DNAJB6: variants seen among roughly 807,000 people sequenced by gnomAD.
DNAJB6 encodes the protein DnaJ heat shock protein family (Hsp40) member B6.
In DNAJB6, 16 loss-of-function variants were observed where a neutral mutation model predicts 42.7. That is an observed-to-expected ratio of 0.37 (90% CI 0.25 to 0.57). DNAJB6 has a LOEUF of 0.57. Among genes scored for constraint, DNAJB6 ranks in the 20% least tolerant of loss-of-function variants. The pLI, the probability that DNAJB6 is intolerant of heterozygous loss-of-function variation, is 0.74. For synonymous variants in DNAJB6, 170 were observed against 163.5 expected (o/e 1.04, Z -0.30); for missense variants, 347 against 416.8 (o/e 0.83, Z 1.46).
At chr7:157,354,561 ACTC>A (rs1799175787) in intron 1 of DNAJB6, among the ~76,000 whole-genome samples, 1 of 150,708 alleles carries the variant, frequency 6.6e-6, no homozygotes, top group Non-Finnish European at 1.5e-5. Context: ...CTGGTCTCCA[ACTC>A]CTGGGCTCAA....
At chr7:157,379,935 C>T (rs1221872551) in intron 5 of DNAJB6, 1 of 151,680 alleles carries the variant, frequency 6.6e-6, no homozygotes, top group Non-Finnish European at 1.5e-5. Context: ...CCTCAGCCTC[C>T]TGGGTGGCTG....
intron 1 of DNAJB6, among the ~76,000 whole-genome samples, chr7:157,352,361 T>C (rs1324536141): frequency 2.0e-5 from 3 of 151,932 alleles, no homozygotes; most frequent in Non-Finnish European, 4.4e-5. Context: ...TATAATTTTC[T>C]TTTTTACTCC....
At chr7:157,393,145 T>G (rs1230726475) in intron 8 of DNAJB6, among the ~76,000 whole-genome samples, 6 of 152,064 alleles carry the variant, frequency 3.9e-5, no homozygotes, top group Non-Finnish European at 7.4e-5. Flanking sequence ...GGCTAATTTT[T>G]TTGTATTTTT....
At chr7:157,385,482 A>C in intron 7 of DNAJB6, 59 bp from the exon 8 acceptor site, 21 of 1,508,308 alleles carry the variant, frequency 1.4e-5, no homozygotes, top group Non-Finnish European at 1.5e-5. Context: ...CAACTTAGTT[A>C]CCCTCACACA....
intron 5 of DNAJB6, 112 bp from the exon 6 acceptor site, chr7:157,382,128 CTTAAGT>C (rs765412689): frequency 1.8e-4 from 208 of 1,184,856 alleles, no homozygotes; most frequent in Non-Finnish European, 2.3e-4. Context: ...GTTAAAACCT[CTTAAGT>C]TTTTTGTTCC....
chr7:157,338,379 G>T (rs1222108295), intron 1 of DNAJB6, among the ~76,000 whole-genome samples: 3 of 151,524 alleles, frequency 2.0e-5, no homozygotes, highest in Non-Finnish European at 4.4e-5. Context: ...TGTTGCCCAG[G>T]CCAGAGTGCA....
intron 1 of DNAJB6, among the ~76,000 whole-genome samples, chr7:157,343,476 TA>T (rs1002503520): frequency 3.3e-5 from 5 of 151,666 alleles, no homozygotes; most frequent in African/African-American, 9.7e-5. Flanking sequence ...TAGAAACCAC[TA>T]TTTTTTTTTG....
intron 9 of DNAJB6, chr7:157,412,948 C>T (rs904108509): frequency 6.6e-6 from 1 of 152,300 alleles, no homozygotes; most frequent in African/African-American, 2.4e-5. Flanking sequence ...AGAATTTCCC[C>T]TCCTTGTGTC....
intron 5 of DNAJB6, chr7:157,378,864 G>A (rs1057388553): frequency 3.3e-5 from 5 of 152,068 alleles, no homozygotes; most frequent in Admixed American, 3.3e-4. Flanking sequence ...GATCTCAAGT[G>A]GCAACTTTTA....
intron 5 of DNAJB6, among the ~76,000 whole-genome samples, chr7:157,371,882 A>G (rs1177163261): frequency 6.6e-6 from 1 of 152,170 alleles, no homozygotes; most frequent in Non-Finnish European, 1.5e-5. Flanking sequence ...TTAACTTCAC[A>G]TTTTATTTAT....
intron 1 of DNAJB6, among the ~76,000 whole-genome samples, chr7:157,339,512 G>A (rs1191543869): frequency 1.4e-4 from 21 of 151,648 alleles, no homozygotes; most frequent in African/African-American, 5.1e-4. Flanking sequence ...GTGTTAGCCA[G>A]GATGGTCTTG....
At chr7:157,406,763 A>G (rs1318469103) in intron 8 of DNAJB6, among the ~76,000 whole-genome samples, 1 of 152,236 alleles carries the variant, frequency 6.6e-6, no homozygotes, top group Non-Finnish European at 1.5e-5. Context: ...GCCTCTGAGG[A>G]GACGACACAG....
intron 5 of DNAJB6, chr7:157,369,558 T>C: frequency 2.9e-6 from 1 of 347,240 alleles, no homozygotes; most frequent in South Asian, 2.2e-5. Flanking sequence ...CAGGGCTTTC[T>C]TACCATTATT....
intron 1 of DNAJB6, among the ~76,000 whole-genome samples, chr7:157,343,372 CTGGTCTTGA>C (rs1364981717): frequency 6.6e-6 from 1 of 152,100 alleles, no homozygotes; most frequent in Non-Finnish European, 1.5e-5. Context: ...GTTGGCCGGG[CTGGTCTTGA>C]ACACCTCAGG....
At chr7:157,415,226 T>G (rs1250461358) in intron 9 of DNAJB6, 1 of 152,270 alleles carries the variant, frequency 6.6e-6, no homozygotes, top group Non-Finnish European at 1.5e-5. Flanking sequence ...TGGCACACAC[T>G]GAGTTCAAGA....
chr7:157,376,222 T>C (rs1465705886), intron 5 of DNAJB6, among the ~76,000 whole-genome samples: 1 of 152,252 alleles, frequency 6.6e-6, no homozygotes, highest in Non-Finnish European at 1.5e-5. Flanking sequence ...GGTAAATGTT[T>C]GTTACATGTG....
intron 1 of DNAJB6, among the ~76,000 whole-genome samples, chr7:157,353,687 T>G (rs1376163942): frequency 6.6e-6 from 1 of 151,630 alleles, no homozygotes; most frequent in Non-Finnish European, 1.5e-5. Flanking sequence ...GGAGATAGGG[T>G]CTCGTTCTGT....
intron 5 of DNAJB6, among the ~76,000 whole-genome samples, chr7:157,377,702 A>C (rs537840972): frequency 5.6e-4 from 86 of 152,274 alleles, no homozygotes; most frequent in South Asian, 1.0e-3. Context: ...TCCTGATCCA[A>C]ATGCTAATCT....
intron 1 of DNAJB6, among the ~76,000 whole-genome samples, chr7:157,345,481 AT>A (rs1030474348): frequency 6.6e-6 from 1 of 151,460 alleles, no homozygotes; most frequent in African/African-American, 2.4e-5. Flanking sequence ...CACTCAGCTA[AT>A]TTTTTTTATC....
Sources: allele counts gnomAD v4.1 joint callset (sites outside exome capture counted in the v4.1 genomes callset), GRCh38; gene constraint gnomAD v4.1.1; transcripts MANE v1.5; gene names NCBI Gene and HGNC (gene_info 2026-07-23, HGNC 2026-07-21).